SRSF10: variants seen among roughly 807,000 people sequenced by gnomAD.
SRSF10 encodes serine and arginine rich splicing factor 10.
SRSF10 carries 9 observed loss-of-function variants against 32.6 expected under a neutral mutation model. That is an observed-to-expected ratio of 0.28 (90% CI 0.17 to 0.48). SRSF10 has a LOEUF of 0.48. Ranked by LOEUF, SRSF10 falls within the 20% of genes least tolerant of loss-of-function variation. The probability of loss-of-function intolerance (pLI) is 0.99; values close to 1 mark genes in which losing one functional copy is unlikely to be tolerated. For synonymous variants in SRSF10, 105 were observed against 112.4 expected (o/e 0.93, Z 0.42); for missense variants, 201 against 331.8 (o/e 0.61, Z 3.06).
rs1365987550 is a variant in SRSF10, at chr1:23,964,937, A to G, written c.*6205T>C. On this transcript the variant is annotated 3_prime_UTR_variant, in exon 6 of 6. Transcript: ENST00000492112. ...AGTTCTCAATGAATTTACATGCCTCACTTTTTATTCCAAGAAAAATCCCCA... is the reference window on the plus strand; with the variant it reads ...AGTTCTCAATGAATTTACATGCCTCGCTTTTTATTCCAAGAAAAATCCCCA... The G allele has an allele frequency of 7.9e-5, 12 of 152,126 alleles. 1 individual carries two copies. The South Asian group carries it at 2.1e-3, about 26-fold the overall frequency. The allele number at this position is 152,126 out of a possible 1,614,324, so 9.4% of individuals were successfully genotyped here.
intron 2 of SRSF10, chr1:23,975,605 A>C (rs1348331715): frequency 3.3e-5 from 5 of 152,632 alleles, no homozygotes; most frequent in Non-Finnish European, 7.3e-5. Context: ...TTTTTCATAT[A>C]TATCTAATAC....
chr1:23,971,458 GAT>G lies in SRSF10; in HGVS notation c.492-21_492-20del. 1.3e-6 allele frequency: 2 copies of G among 1,594,520 alleles called. No individual in the cohort carries two copies. Among genetic ancestry groups the G allele is most frequent in the Non-Finnish European group, 1.7e-6 (2 of 1,174,020 alleles). ...TTTGAATCTTTCAAAACAGAGGAGA[GAT>G]ATAATTAGAGTAAAAATTAGATTCT... On this transcript the variant is annotated intron_variant, in intron 5 of 5. Transcript: ENST00000492112.
At chr1:23,972,227 T>A (rs1249239271) in intron 3 of SRSF10, among the ~76,000 whole-genome samples, 1 of 151,932 alleles carries the variant, frequency 6.6e-6, no homozygotes, top group Admixed American at 6.6e-5. Flanking sequence ...TGGGGCAACA[T>A]AGCAATATGC....
Position 23,964,817 on chromosome 1 carries a change from C to A in SRSF10, c.*6325G>T, listed in dbSNP as rs1641373818. The A allele has an allele frequency of 6.6e-6, 1 of 151,926 alleles. No individual in the cohort carries two copies. The highest frequency in any genetic ancestry group is 2.1e-4 in the South Asian group (1 of 4,826). The allele number at this position is 151,926 out of a possible 1,614,324, so 9.4% of individuals were successfully genotyped here. A position where few individuals can be genotyped will look rare whatever the true frequency, so the allele number is the denominator to read the frequency against. On this transcript the variant is annotated 3_prime_UTR_variant, in exon 6 of 6. Transcript: ENST00000492112. ...AAAAACCCAAGATTTATTTTTGGCT[C>A]CTAGACCAGTTTATTTCACTTTCCA...
rs1641515831 is a variant in SRSF10, at chr1:23,967,627, C to T, written c.*3515G>A. 3.9e-6 allele frequency: 5 copies of T among 1,277,198 alleles called. No homozygotes were observed. Among genetic ancestry groups the T allele is most frequent in the Non-Finnish European group, 4.6e-6 (4 of 874,872 alleles). 79.1% of individuals were successfully genotyped at this position (1,277,198 alleles called of 1,614,324 possible). ...CAGCACCTTCCACCCACCCTTTGGTCGCTTGAACTGCCCTTCTTTGGTTCT... is the reference window on the plus strand; with the variant it reads ...CAGCACCTTCCACCCACCCTTTGGTTGCTTGAACTGCCCTTCTTTGGTTCT... On this transcript the variant is annotated 3_prime_UTR_variant, in exon 6 of 6. Transcript: ENST00000492112.
At chr1:23,972,105 T>C (rs34369430) in intron 3 of SRSF10, 93 bp from the exon 4 acceptor site, 508,282 of 1,130,084 alleles carry the variant, frequency 0.45, 116,902 homozygotes, top group South Asian at 0.63. Flanking sequence ...CATCCCCTCT[T>C]ATATCCCAAA....
chr1:23,967,636 T>C lies in SRSF10; in HGVS notation c.*3506A>G. ...CCACCCACCCTTTGGTCGCTTGAAC[T>C]GCCCTTCTTTGGTTCTTTTTCCGCT... On this transcript the variant is annotated 3_prime_UTR_variant, in exon 6 of 6. Coordinates refer to ENST00000492112, the MANE Select transcript of SRSF10 (RefSeq NM_054016.4). The C allele has an allele frequency of 7.1e-7, 1 of 1,399,856 alleles. No individual in the cohort carries two copies. The highest frequency in any genetic ancestry group is 1.0e-6 in the Non-Finnish European group (1 of 985,958). 86.7% of individuals were successfully genotyped at this position (1,399,856 alleles called of 1,614,324 possible).
rs1382807813 is a variant in SRSF10, at chr1:23,979,788, A to C, written c.65+403T>G. On this transcript the variant is annotated intron_variant, in intron 1 of 5. Transcript: ENST00000492112. ...TCCCTCGATCCCGTTATTTCATCTCACTATTTTTTGGCTGGGGAAAAAAAA... is the reference window on the plus strand; with the variant it reads ...TCCCTCGATCCCGTTATTTCATCTCCCTATTTTTTGGCTGGGGAAAAAAAA... Among the ~76,000 whole-genome samples, 7 of 102,130 alleles carry C rather than the reference A, an allele frequency of 6.9e-5. No individual in the cohort carries two copies. In the East Asian group the frequency reaches 2.0e-3, roughly 29 times the overall value. The allele number at this position is 102,130 out of a possible 152,430, so 67.0% of individuals were successfully genotyped here.
rs1258829662 is a variant in SRSF10 at position 23,969,994 on chromosome 1, T to C, written c.*1148A>G. 11 of 985,258 alleles carry C rather than the reference T, an allele frequency of 1.1e-5. No homozygotes were observed. In the African/African-American group the frequency reaches 1.4e-4, roughly 13 times the overall value. The allele number at this position is 985,258 out of a possible 1,614,324, so 61.0% of individuals were successfully genotyped here. A position where few individuals can be genotyped will look rare whatever the true frequency, so the allele number is the denominator to read the frequency against. ...AGCCAAGTGCTGTAAGCATCAAAAT[T>C]TCAGTTCTTTTACACTAGGCACACA... On this transcript the variant is annotated 3_prime_UTR_variant, in exon 6 of 6. Coordinates refer to ENST00000492112, the MANE Select transcript of SRSF10 (RefSeq NM_054016.4).
intron 2 of SRSF10, chr1:23,978,200 G>T: frequency 1.0e-6 from 1 of 985,354 alleles, no homozygotes; most frequent in African/African-American, 1.7e-5. Flanking sequence ...CTTGCCTTAA[G>T]TGTTGAACTC....
chr1:23,971,834 T>TACAC lies in SRSF10; in HGVS notation c.437+12_437+15dup. The TACAC allele has an allele frequency of 6.3e-7, 1 of 1,594,732 alleles. No homozygotes were observed. Among genetic ancestry groups the TACAC allele is most frequent in the Non-Finnish European group, 8.5e-7 (1 of 1,174,760 alleles). On this transcript the variant is annotated intron_variant, in intron 4 of 5. Transcript: ENST00000492112. ...ACATTTTTTAAACAGATCACTGTGCTACACAGCACACTTACTTTCTAGGAC... is the reference window on the plus strand; with the variant it reads ...ACATTTTTTAAACAGATCACTGTGCTACACACACAGCACACTTACTTTCTAGGAC...
chr1:23,979,793 T>C (rs1642336597), intron 1 of SRSF10, among the ~76,000 whole-genome samples: 1 of 33,440 alleles, frequency 3.0e-5, no homozygotes, highest in Admixed American at 4.0e-4. Flanking sequence ...ATCTCACTAT[T>C]TTTTGGCTGG....
intron 2 of SRSF10, chr1:23,978,201 T>C (rs1642203623): frequency 1.0e-6 from 1 of 985,468 alleles, no homozygotes; most frequent in African/African-American, 1.7e-5. Flanking sequence ...TTGCCTTAAG[T>C]GTTGAACTCT....
chr1:23,979,144 T>C (rs1343119160), intron 1 of SRSF10, among the ~76,000 whole-genome samples: 6 of 150,520 alleles, frequency 4.0e-5, no homozygotes, highest in Non-Finnish European at 5.9e-5. Flanking sequence ...TCCCCAATTT[T>C]AGCGACAGAT....
At position 23,964,701 on chromosome 1, in the gene SRSF10, C is replaced by T. The variant is rs1329344926; in HGVS notation, c.*6441G>A. 1.3e-5 allele frequency: 2 copies of T among 151,878 alleles called. No homozygotes were observed. Among genetic ancestry groups the T allele is most frequent in the African/African-American group, 2.4e-5 (1 of 41,388 alleles). The allele number at this position is 151,878 out of a possible 1,614,324, so 9.4% of individuals were successfully genotyped here. On this transcript the variant is annotated 3_prime_UTR_variant, in exon 6 of 6. Transcript: ENST00000492112. ...GCATTCTTGTAGGCAATTTGTAAAG[C>T]AAGAGGGACAGAGTGCATCTCTAAA...
At position 23,973,025 on chromosome 1, in the gene SRSF10, C is replaced by T. The variant is rs1290961615; in HGVS notation, c.275-1013G>A. ...CCTCCCAAAGTGCTGGGATTACAGGCTTGAGCCACCGTGCCCAGCCCTGGA... is the reference window on the plus strand; with the variant it reads ...CCTCCCAAAGTGCTGGGATTACAGGTTTGAGCCACCGTGCCCAGCCCTGGA... On this transcript the variant is annotated intron_variant, in intron 3 of 5. Coordinates refer to ENST00000492112, the MANE Select transcript of SRSF10 (RefSeq NM_054016.4). Among the ~76,000 whole-genome samples, 5 of 152,032 alleles carry T rather than the reference C, an allele frequency of 3.3e-5. No homozygotes were observed. The East Asian group carries it at 7.8e-4, about 24-fold the overall frequency.
At position 23,966,673 on chromosome 1, in the gene SRSF10, C is replaced by T. The variant is rs1386326602; in HGVS notation, c.*4469G>A. Reference sequence around the variant, plus strand: ...TAAATACTTATTTTGGGGGTTATATCCTAGCATGTGTTTGGTGAGGCAGAG... The same window carrying T: ...TAAATACTTATTTTGGGGGTTATATTCTAGCATGTGTTTGGTGAGGCAGAG... On this transcript the variant is annotated 3_prime_UTR_variant, in exon 6 of 6. Coordinates refer to ENST00000492112, the MANE Select transcript of SRSF10 (RefSeq NM_054016.4). 1 of 151,906 alleles carries T rather than the reference C, an allele frequency of 6.6e-6. No individual in the cohort carries two copies. The highest frequency in any genetic ancestry group is 2.4e-5 in the African/African-American group (1 of 41,386). 9.4% of individuals were successfully genotyped at this position (151,906 alleles called of 1,614,324 possible). A position where few individuals can be genotyped will look rare whatever the true frequency, so the allele number is the denominator to read the frequency against.
intron 5 of SRSF10, 39 bp from the exon 6 acceptor site, chr1:23,971,478 T>C (rs1641748294): frequency 1.3e-6 from 2 of 1,585,506 alleles, no homozygotes; most frequent in African/African-American, 1.4e-5. Context: ...GAGTAAAAAT[T>C]AGATTCTATA....
At position 23,971,134 on chromosome 1, in the gene SRSF10, T is replaced by TTA. The variant is rs1641731231; in HGVS notation, c.*6_*7dup. The stretch of plus-strand genomic sequence containing the variant: ...ATACATGCCTAAAAATGACCATGGT[T>TTA]TATACTATCAGTGGCCACTGGACTT... On this transcript the variant is annotated 3_prime_UTR_variant, in exon 6 of 6. Transcript: ENST00000492112. 19 of 1,594,530 alleles carry TTA rather than the reference T, an allele frequency of 1.2e-5. No homozygotes were observed. In the South Asian group the frequency reaches 2.1e-4, roughly 17 times the overall value.
Sources: gnomAD v4.1 joint callset for allele counts (sites outside exome capture counted in the v4.1 genomes callset) on GRCh38, gnomAD v4.1.1 for gene constraint, MANE v1.5 for transcripts, NCBI Gene and HGNC (gene_info 2026-07-23, HGNC 2026-07-21) for gene names.